Variants in OTULINL observed in about 807,000 individuals in gnomAD.
The protein encoded by OTULINL is inactive ubiquitin thioesterase OTULINL.
OTULINL carries 42 observed loss-of-function variants against 43.9 expected under a neutral mutation model. That is an observed-to-expected ratio of 0.96 (90% CI 0.75 to 1.24). The LOEUF is 1.24. OTULINL is among the 50% of genes most tolerant of loss of function. The pLI, the probability that OTULINL is intolerant of heterozygous loss-of-function variation, is 0.00. For missense variants in OTULINL, 411 were observed against 426.4 expected, an observed-to-expected ratio of 0.96 and a Z score of 0.32; for synonymous variants, 172 against 153.6, an observed-to-expected ratio of 1.12 and a Z score of -0.88.
intron 1 of OTULINL, among the ~76,000 whole-genome samples, chr5:14,598,532 G>A (rs1759331564): frequency 6.6e-6 from 1 of 152,210 alleles, no homozygotes; most frequent in South Asian, 2.1e-4. Context: ...TGTTAGAAAA[G>A]CATATTTGCC....
In OTULINL at chr5:14,616,159, C is replaced by A. The variant is rs1017422164; in HGVS notation, c.*5845C>A. ...TCTTGCAGTGTGGTAATAAAGACTTCTACACTTTAGTAGCACTAAAATACG... is the reference window on the plus strand; with the variant it reads ...TCTTGCAGTGTGGTAATAAAGACTTATACACTTTAGTAGCACTAAAATACG... On this transcript the variant is annotated 3_prime_UTR_variant, in exon 8 of 8. Transcript: ENST00000274217. Among the ~76,000 whole-genome samples the A allele has an allele frequency of 6.6e-6, 1 of 152,192 alleles. No individual in the cohort carries two copies. The highest frequency in any genetic ancestry group is 2.4e-5 in the African/African-American group (1 of 41,448).
intron 1 of OTULINL, among the ~76,000 whole-genome samples, chr5:14,589,156 G>T (rs935431803): frequency 1.4e-4 from 21 of 152,174 alleles, no homozygotes; most frequent in Admixed American, 3.3e-4. Flanking sequence ...TACTGTCTAC[G>T]CAGGGAGACA....
intron 4 of OTULINL, 46 bp downstream of exon 4, chr5:14,601,488 C>A: frequency 6.6e-7 from 1 of 1,512,274 alleles, no homozygotes; most frequent in South Asian, 1.2e-5. Flanking sequence ...GTTTGTCTGT[C>A]AAAATCAGGA....
chr5:14,595,131 A>T (rs1022449697), intron 1 of OTULINL, among the ~76,000 whole-genome samples: 1 of 152,200 alleles, frequency 6.6e-6, no homozygotes, highest in Non-Finnish European at 1.5e-5. Flanking sequence ...ATGTCCTCCC[A>T]GCTCAGAGTT....
At position 14,581,875 on chromosome 5, in the gene OTULINL, C is replaced by G. The variant is rs1051327051; in HGVS notation, c.-20C>G. On this transcript the variant is annotated 5_prime_UTR_variant, in exon 1 of 8. Transcript: ENST00000274217. Reference sequence around the variant, plus strand: ...CAGACCACGGGCCGAGGCCCAGCGCCCGTCCGCAGCGCGGCCGGCATGGCG... The same window carrying G: ...CAGACCACGGGCCGAGGCCCAGCGCGCGTCCGCAGCGCGGCCGGCATGGCG... 1 of 1,406,534 alleles carries G rather than the reference C, an allele frequency of 7.1e-7. No individual in the cohort carries two copies. Among genetic ancestry groups the G allele is most frequent in the African/African-American group, 1.5e-5 (1 of 66,416 alleles). 87.1% of individuals were successfully genotyped at this position (1,406,534 alleles called of 1,614,324 possible). A position where few individuals can be genotyped will look rare whatever the true frequency, so the allele number is the denominator to read the frequency against.
chr5:14,615,301 A>C lies in OTULINL; in HGVS notation c.*4987A>C, dbSNP rs1759654956. On this transcript the variant is annotated 3_prime_UTR_variant, in exon 8 of 8. Coordinates refer to ENST00000274217, the MANE Select transcript of OTULINL (RefSeq NM_019018.3). ...CCCCAAAGACAGACTCTGGGAAACA[A>C]CTTGGGAACTGCTTCAAGTCCATGC... Among the ~76,000 whole-genome samples, 1 of 152,198 alleles carries C rather than the reference A, an allele frequency of 6.6e-6. No individual in the cohort carries two copies.
chr5:14,601,482 G>T (rs762865442), intron 4 of OTULINL, 40 bp downstream of exon 4: 3 of 1,545,132 alleles, frequency 1.9e-6, no homozygotes, highest in African/African-American at 1.4e-5. Flanking sequence ...AATAGAGTTT[G>T]TCTGTCAAAA....
chr5:14,609,663 T>C (rs1173193391), intron 7 of OTULINL, among the ~76,000 whole-genome samples: 1 of 134,180 alleles, frequency 7.5e-6, no homozygotes, highest in Non-Finnish European at 1.5e-5. Flanking sequence ...CGGAGTCTCG[T>C]TCTGTCGCCC....
chr5:14,598,239 A>G (rs1759321162), intron 1 of OTULINL, among the ~76,000 whole-genome samples: 1 of 152,232 alleles, frequency 6.6e-6, no homozygotes, highest in Admixed American at 6.5e-5. Context: ...AGCCCTTCAC[A>G]TCCACCCACA....
At chr5:14,604,976 C>G (rs1759448645) in intron 5 of OTULINL, among the ~76,000 whole-genome samples, 1 of 152,174 alleles carries the variant, frequency 6.6e-6, no homozygotes, top group Non-Finnish European at 1.5e-5. Flanking sequence ...TGGCCCTCTT[C>G]TCACAGCTCC....
At chr5:14,596,542 T>G (rs1038527310) in intron 1 of OTULINL, among the ~76,000 whole-genome samples, 1 of 151,800 alleles carries the variant, frequency 6.6e-6, no homozygotes, top group Non-Finnish European at 1.5e-5. Context: ...GGAAGGATAA[T>G]TTTTTTTAAA....
At chr5:14,588,211 C>G (rs939935915) in intron 1 of OTULINL, among the ~76,000 whole-genome samples, 2 of 152,154 alleles carry the variant, frequency 1.3e-5, no homozygotes, top group African/African-American at 2.4e-5. Context: ...CTGGCCCCAA[C>G]GTGACTATTC....
At chr5:14,600,415 C>T (rs930535666) in intron 1 of OTULINL, among the ~76,000 whole-genome samples, 2 of 152,326 alleles carry the variant, frequency 1.3e-5, no homozygotes, top group East Asian at 1.9e-4. Flanking sequence ...AGAGGCGTCT[C>T]TGGAGGCATC....
chr5:14,584,959 T>C (rs1331479218), intron 1 of OTULINL, among the ~76,000 whole-genome samples: 1 of 151,814 alleles, frequency 6.6e-6, no homozygotes, highest in African/African-American at 2.4e-5. Flanking sequence ...GATCAAAAGG[T>C]GAGTAGGCAG....
chr5:14,591,487 A>G (rs1759201063), intron 1 of OTULINL, among the ~76,000 whole-genome samples: 1 of 151,992 alleles, frequency 6.6e-6, no homozygotes. Context: ...TGTGGGGTGA[A>G]AGGGGCTGAG....
intron 5 of OTULINL, 114 bp downstream of exon 5, chr5:14,602,446 T>C: frequency 9.6e-7 from 1 of 1,040,136 alleles, no homozygotes; most frequent in Non-Finnish European, 1.4e-6. Context: ...AGAGATTTTT[T>C]TGTTTTTTTG....
At chr5:14,608,688 T>C (rs1759520664) in intron 6 of OTULINL, 60 bp from the exon 7 acceptor site, 2 of 1,288,690 alleles carry the variant, frequency 1.6e-6, no homozygotes, top group South Asian at 3.0e-5. Flanking sequence ...TTAAAAGTTA[T>C]GGAATGGTAT....
chr5:14,597,324 G>C (rs781769733), intron 1 of OTULINL, among the ~76,000 whole-genome samples: 3 of 152,104 alleles, frequency 2.0e-5, no homozygotes, highest in Admixed American at 6.5e-5. Flanking sequence ...CATGCACTGA[G>C]CACTCACTGT....
chr5:14,582,079 G>T (rs1359898944), intron 1 of OTULINL, 121 bp downstream of exon 1: 6 of 727,160 alleles, frequency 8.3e-6, no homozygotes, highest in Non-Finnish European at 1.1e-5. Flanking sequence ...CCTGTTGGGG[G>T]CTGGGAATCC....
Sources: gnomAD v4.1 joint callset for allele counts (sites outside exome capture counted in the v4.1 genomes callset) on GRCh38, gnomAD v4.1.1 for gene constraint, MANE v1.5 for transcripts, NCBI Gene and HGNC (gene_info 2026-07-23, HGNC 2026-07-21) for gene names.